Variants in NPFFR2 observed in about 807,000 individuals in gnomAD.
NPFFR2 encodes the protein neuropeptide FF receptor 2, also known as G-protein coupled receptor 74.
NPFFR2 carries 15 observed loss-of-function variants against 13.1 expected under a neutral mutation model. The ratio of observed to expected loss-of-function variants is 1.15; its 90% CI spans 0.77 to 1.76. The LOEUF (loss-of-function observed/expected upper bound fraction) is 1.76. Ranked by LOEUF, NPFFR2 falls within the 40% of genes most tolerant of loss-of-function variation. The pLI, the probability that NPFFR2 is intolerant of heterozygous loss-of-function variation, is 0.00. For synonymous variants in NPFFR2, 190 were observed against 175.7 expected, an observed-to-expected ratio of 1.08 and a Z score of -0.65; for missense variants, 572 against 503.5, an observed-to-expected ratio of 1.14 and a Z score of -1.30.
chr4:72,077,609 A>G (rs991381896), intron 1 of NPFFR2, among the ~76,000 whole-genome samples: 8 of 152,118 alleles, frequency 5.3e-5, no homozygotes, highest in African/African-American at 1.9e-4. Flanking sequence ...CATTTTGCTA[A>G]TCTTAAACAC....
Position 72,127,355 on chromosome 4 carries a change from C to CTTTTTTTTTTT in NPFFR2, c.-7-1226_-7-1225insTTTTTTTTTTT, listed in dbSNP as rs1341571145. Among the ~76,000 whole-genome samples the CTTTTTTTTTTT allele has an allele frequency of 3.5e-4, 32 of 91,198 alleles. 3 individuals are homozygous for CTTTTTTTTTTT. Among genetic ancestry groups the CTTTTTTTTTTT allele is most frequent in the African/African-American group, 1.3e-3 (28 of 21,704 alleles). The allele number at this position is 91,198 out of a possible 152,430, so 59.8% of individuals were successfully genotyped here. On this transcript the variant is annotated intron_variant, in intron 1 of 3. Coordinates refer to ENST00000308744, the MANE Select transcript of NPFFR2 (RefSeq NM_004885.3). ...AAGTCATACAGATTCTAAATAATTT[C>CTTTTTTTTTTT]TTTTCTTTTTTTTTTTTTTTTTTTT... is the stretch of plus-strand genomic sequence containing the variant.
chr4:72,043,160 G>T (rs1231712496), intron 1 of NPFFR2, among the ~76,000 whole-genome samples: 2 of 152,200 alleles, frequency 1.3e-5, no homozygotes, highest in East Asian at 3.9e-4. Context: ...TCCTGCAGGT[G>T]CACAGAAGAC....
chr4:72,065,473 A>T (rs562118148), intron 1 of NPFFR2, among the ~76,000 whole-genome samples: 2 of 152,350 alleles, frequency 1.3e-5, no homozygotes, highest in African/African-American at 4.8e-5. Flanking sequence ...TGAAAGGAAA[A>T]TGAAATTCCA....
intron 3 of NPFFR2, 33 bp from the exon 4 acceptor site, chr4:72,146,945 C>A (rs1369371784): frequency 2.1e-6 from 3 of 1,437,838 alleles, no homozygotes; most frequent in Non-Finnish European, 2.9e-6. Flanking sequence ...AGTGATGAAG[C>A]AGTGCCTCAT....
chr4:72,081,285 A>G (rs879633326), intron 1 of NPFFR2, among the ~76,000 whole-genome samples: 1 of 152,194 alleles, frequency 6.6e-6, no homozygotes, highest in Non-Finnish European at 1.5e-5. Context: ...AGAATTGAGT[A>G]GTTGTGACAG....
At chr4:72,091,424 G>T in intron 1 of NPFFR2, among the ~76,000 whole-genome samples, 1 of 151,962 alleles carries the variant, frequency 6.6e-6, no homozygotes, top group East Asian at 1.9e-4. Context: ...TTCTTTTAAT[G>T]TCTGATAGAA....
chr4:72,083,055 ATG>A (rs141729529), intron 1 of NPFFR2, among the ~76,000 whole-genome samples: 3,971 of 152,104 alleles, frequency 0.026, 142 homozygotes, highest in African/African-American at 0.079. Context: ...TCATATGTAT[ATG>A]TGTGTGTGTG....
In NPFFR2 at chr4:72,128,597, T is replaced by C; in HGVS notation, c.6T>C (p.Asn2=). Residue 2 remains asparagine, a synonymous_variant, in exon 2 of 4, where the codon AAT becomes AAC. Coordinates refer to ENST00000308744, the MANE Select transcript of NPFFR2 (RefSeq NM_004885.3). ...CTTCTTTATTAAGGTTCATCATGAATGAGAAATGGGACACAAACTCTTCAG... is the reference window on the plus strand; with the variant it reads ...CTTCTTTATTAAGGTTCATCATGAACGAGAAATGGGACACAAACTCTTCAG... M[N]EKWDTNSSEN... The C allele has an allele frequency of 3.8e-6, 6 of 1,597,360 alleles. No individual in the cohort carries two copies. The highest frequency in any genetic ancestry group is 5.1e-6 in the Non-Finnish European group (6 of 1,169,282).
intron 2 of NPFFR2, among the ~76,000 whole-genome samples, chr4:72,134,415 T>C (rs930828675): frequency 3.3e-5 from 5 of 152,188 alleles, no homozygotes; most frequent in Non-Finnish European, 5.9e-5. Context: ...CTCTCATAGA[T>C]GTAAATTGAG....
intron 1 of NPFFR2, among the ~76,000 whole-genome samples, chr4:72,123,028 G>T (rs1288554962): frequency 1.3e-5 from 2 of 152,080 alleles, no homozygotes; most frequent in African/African-American, 4.8e-5. Context: ...AAGAAGAAAA[G>T]AGAGAAGAAT....
At chr4:72,101,124 A>T (rs1244761416) in intron 1 of NPFFR2, among the ~76,000 whole-genome samples, 1 of 152,094 alleles carries the variant, frequency 6.6e-6, no homozygotes, top group East Asian at 1.9e-4. Flanking sequence ...AAATTACGTT[A>T]AGAAACAAAA....
chr4:72,112,627 C>T (rs1721597615), intron 1 of NPFFR2, among the ~76,000 whole-genome samples: 1 of 151,998 alleles, frequency 6.6e-6, no homozygotes, highest in Non-Finnish European at 1.5e-5. Flanking sequence ...ATCAAATAGA[C>T]AGGTTGGTGT....
intron 1 of NPFFR2, among the ~76,000 whole-genome samples, chr4:72,036,470 T>C (rs909761925): frequency 1.3e-5 from 2 of 151,322 alleles, no homozygotes. Flanking sequence ...TCACCACAGA[T>C]TAGTGGGCTG....
intron 1 of NPFFR2, among the ~76,000 whole-genome samples, chr4:72,068,430 C>G (rs553916059): frequency 6.6e-6 from 1 of 152,172 alleles, no homozygotes; most frequent in Non-Finnish European, 1.5e-5. Context: ...AAAGAGCCCT[C>G]ATGCTCTAAT....
intron 1 of NPFFR2, among the ~76,000 whole-genome samples, chr4:72,127,706 G>C (rs899468573): frequency 6.6e-6 from 1 of 151,980 alleles, no homozygotes; most frequent in Non-Finnish European, 1.5e-5. Flanking sequence ...ATTATGCTAA[G>C]TGAAACCAAG....
intron 2 of NPFFR2, among the ~76,000 whole-genome samples, chr4:72,136,289 A>C (rs1013175559): frequency 6.6e-6 from 1 of 152,100 alleles, no homozygotes; most frequent in Non-Finnish European, 1.5e-5. Context: ...GCCTGGGGAC[A>C]CAGTGGTGGT....
At chr4:72,090,631 T>C (rs555045062) in intron 1 of NPFFR2, among the ~76,000 whole-genome samples, 21 of 152,220 alleles carry the variant, frequency 1.4e-4, no homozygotes, top group African/African-American at 4.3e-4. Flanking sequence ...CTCAGCTTGG[T>C]CACTGTTGGT....
intron 1 of NPFFR2, among the ~76,000 whole-genome samples, chr4:72,051,212 C>A (rs13142221): frequency 0.89 from 135,265 of 151,706 alleles, 61,406 homozygotes; most frequent in Non-Finnish European, 0.98. Flanking sequence ...TGGTTGAACT[C>A]GTTTACAGTC....
At position 72,132,919 on chromosome 4, in the gene NPFFR2, CA is replaced by C. The variant is rs377020616; in HGVS notation, c.328+4005del. Among the ~76,000 whole-genome samples, 18 of 152,194 alleles carry C rather than the reference CA, an allele frequency of 1.2e-4. No individual in the cohort carries two copies. The East Asian group carries it at 3.3e-3, about 28-fold the overall frequency. ...AGACCTTAGTCAAATGCAAAGTTTGCAAAAATTTTCTCTCAGTATGTAGGTT... is the reference window on the plus strand; with the variant it reads ...AGACCTTAGTCAAATGCAAAGTTTGCAAAATTTTCTCTCAGTATGTAGGTT... On this transcript the variant is annotated intron_variant, in intron 2 of 3. Coordinates refer to ENST00000308744, the MANE Select transcript of NPFFR2 (RefSeq NM_004885.3).
Sources: gnomAD v4.1 joint callset for allele counts (sites outside exome capture counted in the v4.1 genomes callset) on GRCh38, gnomAD v4.1.1 for gene constraint, MANE v1.5 for transcripts, NCBI Gene and HGNC (gene_info 2026-07-23, HGNC 2026-07-21) for gene names.